The following ZNF81 variants were observed in gnomAD, a reference collection of about 807,000 sequenced individuals.
ZNF81 encodes zinc finger protein 81 (HFZ20).
ZNF81 carries 5 observed loss-of-function variants against 32.3 expected under a neutral mutation model. The ratio of observed to expected loss-of-function variants is 0.15; its 90% confidence interval spans 0.08 to 0.33. The LOEUF is 0.33. Ranked by LOEUF, ZNF81 falls within the 10% of genes least tolerant of loss-of-function variation. The probability of loss-of-function intolerance (pLI) is 1.00; values close to 1 mark genes in which losing one functional copy is unlikely to be tolerated. For missense variants in ZNF81, 379 were observed against 479.8 expected, an observed-to-expected ratio of 0.79 and a Z score of 1.96; for synonymous variants, 163 against 166.8, an observed-to-expected ratio of 0.98 and a Z score of 0.17.
chrX:47,840,587 T>C (rs2058444700), intron 1 of ZNF81, among the ~76,000 whole-genome samples: 1 of 106,425 alleles, frequency 9.4e-6, no homozygotes, highest in African/African-American at 3.4e-5. Flanking sequence ...CACCCCAACC[T>C]CCGCCTCCCA....
At chrX:47,847,319 A>G (rs1386162194) in intron 2 of ZNF81, among the ~76,000 whole-genome samples, 1 of 111,156 alleles carries the variant, frequency 9.0e-6, no homozygotes, top group Non-Finnish European at 1.9e-5. Context: ...GGCTCAAGTG[A>G]TCCTCCTACC....
intron 4 of ZNF81, among the ~76,000 whole-genome samples, chrX:47,900,911 C>T (rs140144926): frequency 0.013 from 1,479 of 110,435 alleles, 27 homozygotes; most frequent in African/African-American, 0.046. Context: ...CTAGTGGCCC[C>T]GGGTACCCAG....
chrX:47,845,340 C>T (rs781893677), intron 1 of ZNF81, among the ~76,000 whole-genome samples: 1 of 111,345 alleles, frequency 9.0e-6, no homozygotes, highest in Non-Finnish European at 1.9e-5. Flanking sequence ...GACACCCTCT[C>T]CTCCCTAGTT....
At chrX:47,905,409 TAAAAAA>T (rs782351301) in intron 4 of ZNF81, among the ~76,000 whole-genome samples, 5 of 29,470 alleles carry the variant, frequency 1.7e-4, no homozygotes, top group African/African-American at 2.7e-4. Context: ...AGACTCCATC[TAAAAAA>T]AAAAAAAAAA....
intron 2 of ZNF81, among the ~76,000 whole-genome samples, chrX:47,886,589 TTCTC>T (rs1240410134): frequency 1.6e-4 from 17 of 107,212 alleles, no homozygotes; most frequent in East Asian, 3.0e-4. Flanking sequence ...TTCTTTTCTT[TTCTC>T]TCTCTCTCTT....
rs1474532194 is a variant in ZNF81 at position 47,922,308 on chromosome X, T to C, written c.*5676T>C. On this transcript the variant is annotated 3_prime_UTR_variant, in exon 5 of 5. Transcript: ENST00000338637. ...AAGTTATATAAGATTGTTTCCTCCT[T>C]TGATTTTCAAAAATGGGATCATAAC... 1.1e-4 allele frequency: 12 copies of C among 112,269 alleles called. No homozygotes were observed. The highest frequency in any genetic ancestry group is 3.6e-4 in the African/African-American group (11 of 30,880). The allele number at this position is 112,269 out of a possible 1,213,427, so 9.3% of individuals were successfully genotyped here. A position where few individuals can be genotyped will look rare whatever the true frequency, so the allele number is the denominator to read the frequency against.
chrX:47,844,966 G>T (rs147396553), intron 1 of ZNF81, among the ~76,000 whole-genome samples: 20 of 112,088 alleles, frequency 1.8e-4, no homozygotes, highest in African/African-American at 6.5e-4. Flanking sequence ...CTTATGTTAC[G>T]ATCAGAGAAT....
chrX:47,897,150 A>G (rs1376731152), intron 4 of ZNF81, among the ~76,000 whole-genome samples: 2 of 112,351 alleles, frequency 1.8e-5, no homozygotes, highest in African/African-American at 6.5e-5. Flanking sequence ...GAAATTGCCA[A>G]ACTGTATTCC....
intron 2 of ZNF81, among the ~76,000 whole-genome samples, chrX:47,882,634 A>G (rs1242116668): frequency 3.5e-5 from 4 of 112,736 alleles, no homozygotes; most frequent in African/African-American, 1.3e-4. Context: ...ATTTCTTTTT[A>G]GTAACTACTA....
chrX:47,887,878 T>C (rs190075872), intron 2 of ZNF81, 121 bp from the exon 3 acceptor site: 21 of 808,072 alleles, frequency 2.6e-5, no homozygotes, highest in Admixed American at 1.5e-4. Flanking sequence ...AAACTAAGTA[T>C]TTAATGGGCA....
intron 4 of ZNF81, among the ~76,000 whole-genome samples, chrX:47,907,636 A>G (rs1478294407): frequency 8.9e-6 from 1 of 112,204 alleles, no homozygotes; most frequent in East Asian, 2.8e-4. Flanking sequence ...GATTAACACA[A>G]TTGATAAATT....
At position 47,897,423 on chromosome X, in the gene ZNF81, T is replaced by A. The variant is rs782299304; in HGVS notation, c.277+1483T>A. Among the ~76,000 whole-genome samples, 6 of 112,249 alleles carry A rather than the reference T, an allele frequency of 5.3e-5. No individual in the cohort carries two copies. The East Asian group carries it at 1.1e-3, about 21-fold the overall frequency. ...TTTAATCAGGTTGTTTGTCTTCTTA[T>A]TAGTGAGTTTTAATATATTTACTGG... On this transcript the variant is annotated intron_variant, in intron 4 of 4. Coordinates refer to ENST00000338637, the MANE Select transcript of ZNF81 (RefSeq NM_007137.5).
At chrX:47,871,739 A>G (rs1359760687) in intron 2 of ZNF81, among the ~76,000 whole-genome samples, 1 of 111,885 alleles carries the variant, frequency 8.9e-6, no homozygotes, top group African/African-American at 3.2e-5. Context: ...GATAGTTGTC[A>G]TAGCATGAAG....
At chrX:47,886,858 A>C (rs1451847656) in intron 2 of ZNF81, among the ~76,000 whole-genome samples, 2 of 111,370 alleles carry the variant, frequency 1.8e-5, no homozygotes, top group Non-Finnish European at 3.8e-5. Context: ...TAGATGCCTG[A>C]CTTGGGTTGC....
intron 2 of ZNF81, among the ~76,000 whole-genome samples, chrX:47,886,601 C>CTT (rs564623338): frequency 7.4e-4 from 71 of 96,132 alleles, no homozygotes; most frequent in African/African-American, 1.4e-3. Context: ...CTCTCTCTCT[C>CTT]TTTTTTTTTT....
chrX:47,913,249 A>C (rs2058745209), intron 4 of ZNF81, among the ~76,000 whole-genome samples: 1 of 112,244 alleles, frequency 8.9e-6, no homozygotes, highest in African/African-American at 3.2e-5. Flanking sequence ...AGAAAAAAAA[A>C]GTTCTGCAAT....
At chrX:47,904,228 C>T (rs782520237) in intron 4 of ZNF81, among the ~76,000 whole-genome samples, 1 of 111,136 alleles carries the variant, frequency 9.0e-6, no homozygotes, top group Non-Finnish European at 1.9e-5. Flanking sequence ...TCTAATTAAA[C>T]TAAAGAGCTT....
intron 2 of ZNF81, among the ~76,000 whole-genome samples, chrX:47,875,935 C>T (rs945134781): frequency 4.5e-5 from 5 of 112,036 alleles, no homozygotes; most frequent in South Asian, 3.7e-4. Context: ...GACTTGACAG[C>T]ACCATTTGTT....
In ZNF81 at chrX:47,915,521, C is replaced by T; in HGVS notation, c.875C>T (p.Pro292Leu). ...IFTQRSHFFAPQKIHTVEKPH... is the reference protein window; with the variant it reads ...IFTQRSHFFALQKIHTVEKPH... ...ACCCAGAGGTCACATTTCTTTGCTCCTCAAAAAATTCATACTGTGGAAAAA... is the reference window on the plus strand; with the variant it reads ...ACCCAGAGGTCACATTTCTTTGCTCTTCAAAAAATTCATACTGTGGAAAAA... Residue 292 changes from proline (P) to leucine (L), a missense_variant, in exon 5 of 5, where the codon CCT becomes CTT. Around this residue, in one of 2 missense-constraint regions of ZNF81, gnomAD observed 277 missense variants for 306.6 expected, o/e 0.90. Transcript: ENST00000338637. 1.7e-6 allele frequency: 2 copies of T among 1,211,292 alleles called. No individual in the cohort carries two copies. The highest frequency in any genetic ancestry group is 2.2e-6 in the Non-Finnish European group (2 of 895,396).
Sources: gnomAD v4.1 joint callset for allele counts (sites outside exome capture counted in the v4.1 genomes callset) on GRCh38, gnomAD v4.1.1 for gene constraint, gnomAD v4.1.1 regional missense constraint, MANE v1.5 for transcripts, NCBI Gene and HGNC (gene_info 2026-07-23, HGNC 2026-07-21) for gene names.